NRXN1: variants seen among roughly 807,000 people sequenced by gnomAD.
NRXN1 encodes the protein neurexin 1.
In NRXN1, 39 loss-of-function variants were observed where a neutral mutation model predicts 150.9. That is an observed-to-expected ratio of 0.26 (90% CI 0.20 to 0.34). The LOEUF (loss-of-function observed/expected upper bound fraction) is 0.34. Ranked by LOEUF, NRXN1 falls within the 10% of genes least tolerant of loss-of-function variation. The probability of loss-of-function intolerance (pLI) is 1.00; values close to 1 mark genes in which losing one functional copy is unlikely to be tolerated. For synonymous variants in NRXN1, 924 were observed against 757.0 expected (o/e 1.22, Z -3.62); for missense variants, 1,815 against 1,949.9 (o/e 0.93, Z 1.30).
intron 21 of NRXN1, among the ~76,000 whole-genome samples, chr2:49,997,922 C>A (rs924765251): frequency 1.3e-5 from 2 of 152,082 alleles, no homozygotes; most frequent in Non-Finnish European, 2.9e-5. Context: ...TAAAAATAAC[C>A]TTTACCTGTT....
At chr2:51,030,202 A>G (rs984678774) in intron 1 of NRXN1, among the ~76,000 whole-genome samples, 13 of 152,122 alleles carry the variant, frequency 8.5e-5, no homozygotes, top group African/African-American at 2.4e-4. Context: ...AAGGAAGTGC[A>G]TTATTTTTCT....
At chr2:50,298,835 T>A (rs1352870187) in intron 17 of NRXN1, among the ~76,000 whole-genome samples, 3 of 152,158 alleles carry the variant, frequency 2.0e-5, no homozygotes, top group Middle Eastern at 3.2e-3. Flanking sequence ...TAAAACAGAT[T>A]TTTATGATTA....
At chr2:50,590,540 A>T (rs1179560648) in intron 8 of NRXN1, among the ~76,000 whole-genome samples, 3 of 152,050 alleles carry the variant, frequency 2.0e-5, no homozygotes, top group African/African-American at 7.2e-5. Context: ...TTACAGACCT[A>T]ATATGTGTGC....
At chr2:49,991,894 A>C (rs1447392170) in intron 21 of NRXN1, among the ~76,000 whole-genome samples, 1 of 152,246 alleles carries the variant, frequency 6.6e-6, no homozygotes, top group Non-Finnish European at 1.5e-5. Flanking sequence ...AGGAATAGGC[A>C]AATAGATTAA....
intron 8 of NRXN1, among the ~76,000 whole-genome samples, chr2:50,553,667 C>T (rs553964363): frequency 6.6e-6 from 1 of 152,344 alleles, no homozygotes; most frequent in South Asian, 2.1e-4. Flanking sequence ...GTGGCACTGC[C>T]ACATGTAGAA....
chr2:50,868,170 T>C (rs961644189), intron 5 of NRXN1, among the ~76,000 whole-genome samples: 1 of 80,074 alleles, frequency 1.2e-5, no homozygotes, highest in African/African-American at 3.5e-5. Flanking sequence ...TATATATATA[T>C]ATATATATAT....
At chr2:50,633,392 G>T (rs1014400264) in intron 5 of NRXN1, among the ~76,000 whole-genome samples, 2 of 152,100 alleles carry the variant, frequency 1.3e-5, no homozygotes, top group African/African-American at 2.4e-5. Flanking sequence ...AAGTAGAGGA[G>T]AGGGTAATAA....
intron 5 of NRXN1, among the ~76,000 whole-genome samples, chr2:50,801,105 T>G (rs1406039454): frequency 1.3e-5 from 2 of 152,172 alleles, no homozygotes. Flanking sequence ...TCTTTAAAAT[T>G]AGCATTATCA....
At chr2:50,289,022 G>A (rs1023091165) in intron 17 of NRXN1, among the ~76,000 whole-genome samples, 6 of 152,108 alleles carry the variant, frequency 3.9e-5, no homozygotes, top group Non-Finnish European at 5.9e-5. Context: ...GGCAATTCCC[G>A]GGTTTCTGCT....
At chr2:49,979,706 T>A (rs1679642681) in intron 21 of NRXN1, among the ~76,000 whole-genome samples, 1 of 152,166 alleles carries the variant, frequency 6.6e-6, no homozygotes, top group Admixed American at 6.5e-5. Flanking sequence ...ATAGAAGTGG[T>A]GGAAAATCCA....
chr2:50,041,373 C>A (rs376145322), intron 21 of NRXN1, among the ~76,000 whole-genome samples: 1 of 152,132 alleles, frequency 6.6e-6, no homozygotes, highest in African/African-American at 2.4e-5. Context: ...TTCCCTATTT[C>A]GATCTGGTTT....
chr2:50,694,879 C>A (rs531141283), intron 5 of NRXN1, among the ~76,000 whole-genome samples: 1 of 152,178 alleles, frequency 6.6e-6, no homozygotes, highest in Non-Finnish European at 1.5e-5. Flanking sequence ...AAATTAATTG[C>A]GGGGTATTCT....
intron 21 of NRXN1, among the ~76,000 whole-genome samples, chr2:50,010,316 C>T (rs1195849561): frequency 1.3e-5 from 2 of 152,096 alleles, no homozygotes; most frequent in Non-Finnish European, 2.9e-5. Flanking sequence ...TACTGGCTAC[C>T]ATAAACCAAA....
intron 5 of NRXN1, among the ~76,000 whole-genome samples, chr2:50,768,184 G>C (rs986953223): frequency 5.3e-5 from 8 of 152,054 alleles, no homozygotes; most frequent in Non-Finnish European, 5.9e-5. Context: ...GAAATGTTGA[G>C]ACTACTCTTT....
intron 13 of NRXN1, 75 bp from the exon 14 acceptor site, chr2:50,497,789 T>C: frequency 1.4e-6 from 2 of 1,402,204 alleles, no homozygotes; most frequent in South Asian, 2.8e-5. Context: ...CATAACAATA[T>C]CACATTCTAA....
chr2:51,006,555 T>A (rs568476397), intron 2 of NRXN1, among the ~76,000 whole-genome samples: 29 of 150,956 alleles, frequency 1.9e-4, no homozygotes, highest in African/African-American at 5.8e-4. Flanking sequence ...TAATAAAATT[T>A]AAAAAAAAAG....
At chr2:50,463,891 G>A (rs1457327283) in intron 17 of NRXN1, 1 of 151,480 alleles carries the variant, frequency 6.6e-6, no homozygotes, top group African/African-American at 2.4e-5. Flanking sequence ...CATCTGTCAG[G>A]ATTGTATTCA....
intron 5 of NRXN1, among the ~76,000 whole-genome samples, chr2:50,862,529 T>A (rs146437931): frequency 6.6e-6 from 1 of 152,072 alleles, no homozygotes; most frequent in Non-Finnish European, 1.5e-5. Context: ...AGGTCCTGAG[T>A]CAGGAAAGGA....
intron 17 of NRXN1, among the ~76,000 whole-genome samples, chr2:50,264,648 C>G (rs1367897840): frequency 2.0e-5 from 3 of 151,992 alleles, no homozygotes; most frequent in Non-Finnish European, 4.4e-5. Context: ...AGGATGATCT[C>G]CCTAAGTGGT....
Sources: allele counts gnomAD v4.1 joint callset (sites outside exome capture counted in the v4.1 genomes callset), GRCh38; gene constraint gnomAD v4.1.1; transcripts MANE v1.5; gene names NCBI Gene and HGNC (gene_info 2026-07-23, HGNC 2026-07-21).